USP32: variants seen among roughly 807,000 people sequenced by gnomAD.
The protein encoded by USP32 is ubiquitin specific peptidase 32.
A neutral mutation model predicts 204.8 loss-of-function variants in USP32; 59 were observed. That is an observed-to-expected ratio of 0.29 (90% CI 0.23 to 0.36). The LOEUF (loss-of-function observed/expected upper bound fraction) is 0.36. Ranked by LOEUF, USP32 falls within the 10% of genes least tolerant of loss-of-function variation. USP32 has a pLI of 1.00. For missense variants in USP32, 1,160 were observed against 1,946.4 expected (o/e 0.60, Z 7.60); for synonymous variants, 517 against 678.4 (o/e 0.76, Z 3.70).
chr17:60,198,125 T>C, intron 27 of USP32, 135 bp downstream of exon 27: 1 of 1,180,550 alleles, frequency 8.5e-7, no homozygotes, highest in Non-Finnish European at 1.2e-6. Flanking sequence ...ATGGTTGAAT[T>C]GTATGCTGTC....
chr17:60,301,952 T>C (rs1414899322), intron 2 of USP32, among the ~76,000 whole-genome samples: 2 of 152,132 alleles, frequency 1.3e-5, no homozygotes, highest in Admixed American at 6.6e-5. Flanking sequence ...AACTTTACAA[T>C]GGTGTGAAAG....
intron 1 of USP32, among the ~76,000 whole-genome samples, chr17:60,402,788 T>C (rs528082498): frequency 1.8e-4 from 27 of 152,298 alleles, no homozygotes; most frequent in African/African-American, 6.0e-4. Flanking sequence ...CCATTTAGTG[T>C]CAGCTGCAGT....
chr17:60,324,152 T>G (rs2088175808), intron 2 of USP32, among the ~76,000 whole-genome samples: 1 of 151,968 alleles, frequency 6.6e-6, no homozygotes, highest in African/African-American at 2.4e-5. Flanking sequence ...GGCATGGTGG[T>G]GCACTTGTGG....
Position 60,310,502 on chromosome 17 carries a change from C to A in USP32, c.187-8798G>T, listed in dbSNP as rs1055807503. 4.0e-5 allele frequency among the ~76,000 whole-genome samples: 6 copies of A among 150,616 alleles called. No individual in the cohort carries two copies. The East Asian group carries it at 1.0e-3, about 25-fold the overall frequency. On this transcript the variant is annotated intron_variant, in intron 2 of 33. Coordinates refer to ENST00000300896, the MANE Select transcript of USP32 (RefSeq NM_032582.4). ...GATCATGAGGCGAAGAGATTAAGAC[C>A]TTCCTGTCCAATGAGGCAAAACTCT...
chr17:60,254,096 A>G (rs914466693), intron 10 of USP32, among the ~76,000 whole-genome samples: 2 of 152,262 alleles, frequency 1.3e-5, no homozygotes, highest in Admixed American at 1.3e-4. Context: ...ATACTAAACC[A>G]TTCTGACCTT....
intron 10 of USP32, among the ~76,000 whole-genome samples, chr17:60,254,352 A>G (rs1027333178): frequency 2.0e-5 from 3 of 152,182 alleles, no homozygotes; most frequent in Non-Finnish European, 4.4e-5. Context: ...AAGAATAAAA[A>G]TTAGGAAACA....
chr17:60,210,028 A>C (rs1161296526), intron 21 of USP32, among the ~76,000 whole-genome samples: 5 of 152,040 alleles, frequency 3.3e-5, no homozygotes, highest in African/African-American at 7.2e-5. Context: ...ATATAATATA[A>C]TGTTGTCTTC....
At chr17:60,312,119 T>C (rs2087868602) in intron 2 of USP32, among the ~76,000 whole-genome samples, 1 of 152,160 alleles carries the variant, frequency 6.6e-6, no homozygotes, top group East Asian at 1.9e-4. Flanking sequence ...CCATGACACA[T>C]ATGTTGAAGC....
intron 16 of USP32, among the ~76,000 whole-genome samples, chr17:60,216,777 C>A (rs1197644483): frequency 1.3e-5 from 2 of 152,114 alleles, no homozygotes; most frequent in Non-Finnish European, 2.9e-5. Context: ...TATGGCAGAA[C>A]AAAACCCAAC....
rs552212493 is a variant in USP32, at chr17:60,381,075, T to C, written c.58+10807A>G. ...CAATTTACCAGATTACTGCTGCTAG[T>C]TGTATTCTGTCAGCTTTCTCCTTTA... On this transcript the variant is annotated intron_variant, in intron 1 of 33. Coordinates refer to ENST00000300896, the MANE Select transcript of USP32 (RefSeq NM_032582.4). Among the ~76,000 whole-genome samples, 5 of 152,326 alleles carry C rather than the reference T, an allele frequency of 3.3e-5. No individual in the cohort carries two copies. The South Asian group carries it at 8.3e-4, about 25-fold the overall frequency.
rs774618496 is a variant in USP32 at position 60,206,995 on chromosome 17, G to A, written c.3037+26C>T. The A allele has an allele frequency of 3.1e-6, 5 of 1,595,774 alleles. 1 individual carries two copies. In the South Asian group the frequency reaches 3.4e-5, roughly 11 times the overall value. On this transcript the variant is annotated intron_variant, in intron 25 of 33. Transcript: ENST00000300896. ...GACAAATATTTAAAGGAGCAATCAT[G>A]AGAAGGAGTTCTAGTTCTATCTTAC... is the stretch of plus-strand genomic sequence containing the variant.
chr17:60,191,206 AG>A (rs1428540279), intron 28 of USP32, among the ~76,000 whole-genome samples: 3 of 151,982 alleles, frequency 2.0e-5, no homozygotes, highest in Non-Finnish European at 4.4e-5. Flanking sequence ...GGTCGAGACC[AG>A]TCTGACCAAC....
chr17:60,358,877 A>G (rs575788699), intron 1 of USP32, among the ~76,000 whole-genome samples: 4 of 152,380 alleles, frequency 2.6e-5, no homozygotes, highest in African/African-American at 7.2e-5. Context: ...TCACTTGCCA[A>G]GATTGAGAAT....
At chr17:60,222,680 T>A (rs2085282894) in intron 14 of USP32, 131 bp from the exon 15 acceptor site, 1 of 573,470 alleles carries the variant, frequency 1.7e-6, no homozygotes, top group South Asian at 4.0e-5. Flanking sequence ...AAACTTAATT[T>A]TTTTTTTTTT....
chr17:60,301,259 T>C (rs552073666), intron 3 of USP32, among the ~76,000 whole-genome samples: 12 of 152,296 alleles, frequency 7.9e-5, no homozygotes, highest in African/African-American at 2.6e-4. Flanking sequence ...GTTTAACAAT[T>C]TGAGGAGCCA....
intron 2 of USP32, among the ~76,000 whole-genome samples, chr17:60,325,611 A>G (rs1473173563): frequency 2.0e-5 from 3 of 152,008 alleles, no homozygotes; most frequent in African/African-American, 7.3e-5. Flanking sequence ...AAAGCAAAAG[A>G]TAAGTTTAAA....
intron 32 of USP32, 72 bp downstream of exon 32, chr17:60,181,252 G>A: frequency 6.6e-7 from 1 of 1,516,250 alleles, no homozygotes; most frequent in South Asian, 1.3e-5. Flanking sequence ...AAAAATACTT[G>A]CTGATGAATA....
chr17:60,378,553 CCCAT>C lies in USP32; in HGVS notation c.58+13325_58+13328del, dbSNP rs1415800781. On this transcript the variant is annotated intron_variant, in intron 1 of 33. Coordinates refer to ENST00000300896, the MANE Select transcript of USP32 (RefSeq NM_032582.4). The stretch of plus-strand genomic sequence containing the variant: ...AAAGGTGGAAACAACTCAAATATGT[CCCAT>C]CAACAGATGGATGTACAAACAAGAT... 2.6e-5 allele frequency among the ~76,000 whole-genome samples: 4 copies of C among 152,066 alleles called. 1 individual carries two copies. Among genetic ancestry groups the C allele is most frequent in the Admixed American group, 1.3e-4 (2 of 15,266 alleles).
In USP32 at chr17:60,266,041, C is replaced by T; in HGVS notation, c.862G>A (p.Glu288Lys). Reference sequence around the variant, plus strand: ...AGTGCAACCACCATGTCTCTCAGTTCAACCCTGGAGAGAACTCCATCACGG... The same window carrying T: ...AGTGCAACCACCATGTCTCTCAGTTTAACCCTGGAGAGAACTCCATCACGG... ...VDRDGVLSRVELRDMVVALLE... is the reference protein window; with the variant it reads ...VDRDGVLSRVKLRDMVVALLE... Residue 288 changes from glutamate to lysine, a missense_variant, in exon 8 of 34, where the codon GAA becomes AAA. Coordinates refer to ENST00000300896, the MANE Select transcript of USP32 (RefSeq NM_032582.4). 6.2e-7 allele frequency: 1 copy of T among 1,614,078 alleles called. No homozygotes were observed. Among genetic ancestry groups the T allele is most frequent in the African/African-American group, 1.3e-5 (1 of 75,066 alleles).
Sources: allele counts gnomAD v4.1 joint callset (sites outside exome capture counted in the v4.1 genomes callset), GRCh38; gene constraint gnomAD v4.1.1; transcripts MANE v1.5; gene names NCBI Gene and HGNC (gene_info 2026-07-23, HGNC 2026-07-21).